PCDHGB2: variants seen among roughly 807,000 people sequenced by gnomAD.
PCDHGB2 encodes protocadherin gamma subfamily B, 2.
Under a neutral mutation model 59.3 loss-of-function variants are expected in PCDHGB2, and 55 were observed. That is an observed-to-expected ratio of 0.93 (90% CI 0.75 to 1.16). The LOEUF (loss-of-function observed/expected upper bound fraction) is 1.16. Ranked by LOEUF, PCDHGB2 falls within the 50% of genes most tolerant of loss-of-function variation. PCDHGB2 has a pLI of 0.00. For synonymous variants in PCDHGB2, 516 were observed against 512.0 expected, an observed-to-expected ratio of 1.01 and a Z score of -0.11; for missense variants, 1,228 against 1,198.5, an observed-to-expected ratio of 1.02 and a Z score of -0.36.
chr5:141,502,629 G>A (rs1368174848), intron 2 of PCDHGB2, among the ~76,000 whole-genome samples: 1 of 152,096 alleles, frequency 6.6e-6, no homozygotes, highest in Non-Finnish European at 1.5e-5. Context: ...GTAATCTGTG[G>A]ATGATACTTT....
intron 1 of PCDHGB2, chr5:141,375,571 C>A (rs760580799): frequency 2.5e-6 from 4 of 1,613,962 alleles, no homozygotes; most frequent in Non-Finnish European, 3.4e-6. Context: ...AAGACACCCT[C>A]CAGGGGGCGC....
At position 141,410,351 on chromosome 5, in the gene PCDHGB2, C is replaced by T. The variant is rs372351374; in HGVS notation, c.2421+47795C>T. ...TCTGGCCATTGCCTTGCGCCTGCGA[C>T]GCTCTCTCAGCCCTGCTACTTGGGA... On this transcript the variant is annotated intron_variant, in intron 1 of 3. Coordinates refer to ENST00000522605, the MANE Select transcript of PCDHGB2 (RefSeq NM_018923.3). The T allele has an allele frequency of 2.5e-6, 4 of 1,613,948 alleles. No homozygotes were observed. In the African/African-American group the frequency reaches 4.0e-5, roughly 16 times the overall value.
intron 1 of PCDHGB2, chr5:141,422,466 G>T: frequency 1.2e-6 from 2 of 1,613,528 alleles, no homozygotes; most frequent in Non-Finnish European, 1.7e-6. Flanking sequence ...TGCTGGACAG[G>T]GAGTTGGTCC....
intron 1 of PCDHGB2, among the ~76,000 whole-genome samples, chr5:141,481,730 G>C (rs778885944): frequency 6.6e-5 from 10 of 151,952 alleles, no homozygotes; most frequent in Non-Finnish European, 1.3e-4. Flanking sequence ...GAGGCGGGCG[G>C]ATCACGAGGT....
At chr5:141,407,963 G>T (rs2095010709) in intron 1 of PCDHGB2, 1 of 681,746 alleles carries the variant, frequency 1.5e-6, no homozygotes, top group Admixed American at 3.5e-5. Context: ...TGCAGAGCAA[G>T]CGCTGACGCC....
At chr5:141,463,581 T>TG (rs2099064477) in intron 1 of PCDHGB2, among the ~76,000 whole-genome samples, 1 of 151,502 alleles carries the variant, frequency 6.6e-6, no homozygotes, top group Non-Finnish European at 1.5e-5. Context: ...CCCGAGTAGC[T>TG]GGGACTACAG....
At chr5:141,402,103 A>C (rs565155809) in intron 1 of PCDHGB2, among the ~76,000 whole-genome samples, 3 of 152,336 alleles carry the variant, frequency 2.0e-5, no homozygotes, top group African/African-American at 4.8e-5. Flanking sequence ...TTAAGCAATT[A>C]CAAAAATGTG....
At position 141,431,026 on chromosome 5, in the gene PCDHGB2, G is replaced by A; in HGVS notation, c.2422-63781G>A. On this transcript the variant is annotated intron_variant, in intron 1 of 3. Coordinates refer to ENST00000522605, the MANE Select transcript of PCDHGB2 (RefSeq NM_018923.3). This position sits in a 1 kb window ranked among gnomAD's most constrained non-coding sequence, Gnocchi z 4.8. Reference sequence around the variant, plus strand: ...GCGGCAGCTTGGTCACGGCGGGCAGGATAGACCGGGAGGAGCTCTGTATGG... The same window carrying A: ...GCGGCAGCTTGGTCACGGCGGGCAGAATAGACCGGGAGGAGCTCTGTATGG... The A allele has an allele frequency of 1.2e-6, 2 of 1,614,118 alleles. No homozygotes were observed. The highest frequency in any genetic ancestry group is 1.7e-6 in the Non-Finnish European group (2 of 1,179,960).
At chr5:141,412,934 G>A (rs1232539262) in intron 1 of PCDHGB2, 1 of 453,932 alleles carries the variant, frequency 2.2e-6, no homozygotes, top group African/African-American at 2.0e-5. Context: ...TAACTTCTTA[G>A]GACTCTGAGC....
At chr5:141,393,710 G>A (rs143738602) in intron 1 of PCDHGB2, 4 of 1,613,794 alleles carry the variant, frequency 2.5e-6, no homozygotes, top group Non-Finnish European at 3.4e-6. Flanking sequence ...AAAATACTGG[G>A]GAAATATCAA....
chr5:141,486,029 C>G lies in PCDHGB2; in HGVS notation c.2422-8778C>G. Reference sequence around the variant, plus strand: ...CACCTTTTATTTCAGTGGTCATACCCCTGATCGTGTAAGAAACCTCTTTAG... The same window carrying G: ...CACCTTTTATTTCAGTGGTCATACCGCTGATCGTGTAAGAAACCTCTTTAG... On this transcript the variant is annotated intron_variant, in intron 1 of 3. Transcript: ENST00000522605. The surrounding 1 kb of genome is among the most constrained non-coding windows in gnomAD (Gnocchi z 5.0). 6.2e-7 allele frequency: 1 copy of G among 1,614,016 alleles called. No homozygotes were observed. Among genetic ancestry groups the G allele is most frequent in the Non-Finnish European group, 8.5e-7 (1 of 1,179,900 alleles).
rs2154594699 is a variant in PCDHGB2 at position 141,512,507 on chromosome 5, C to T, written c.*1334C>T. 6.5e-6 allele frequency: 1 copy of T among 153,048 alleles called. No individual in the cohort carries two copies. Among genetic ancestry groups the T allele is most frequent in the South Asian group, 2.1e-4 (1 of 4,836 alleles). 9.5% of individuals were successfully genotyped at this position (153,048 alleles called of 1,614,324 possible). ...CACTGCCCAGGTCCCCAGTGCGCCCCCTAGTGGCCATAGCCTGGTTAAAGT... is the reference window on the plus strand; with the variant it reads ...CACTGCCCAGGTCCCCAGTGCGCCCTCTAGTGGCCATAGCCTGGTTAAAGT... On this transcript the variant is annotated 3_prime_UTR_variant, in exon 4 of 4. Transcript: ENST00000522605.
chr5:141,494,048 G>C (rs764072099), intron 1 of PCDHGB2, among the ~76,000 whole-genome samples: 3 of 152,148 alleles, frequency 2.0e-5, no homozygotes, highest in Non-Finnish European at 2.9e-5. Flanking sequence ...GGCCCTGCTT[G>C]GAGGCTGTGG....
At position 141,371,103 on chromosome 5, in the gene PCDHGB2, G is replaced by T. The variant is rs1232346882; in HGVS notation, c.2421+8547G>T. The stretch of plus-strand genomic sequence containing the variant: ...CAGGGTAATTGTCGCAGATGCAAAT[G>T]ATAACCCCCCAGTATTTACTCAGGA... On this transcript the variant is annotated intron_variant, in intron 1 of 3. Transcript: ENST00000522605. 4 of 1,613,708 alleles carry T rather than the reference G, an allele frequency of 2.5e-6. No individual in the cohort carries two copies. The African/African-American group carries it at 5.3e-5, about 22-fold the overall frequency.
At chr5:141,404,759 T>G (rs1466446291) in intron 1 of PCDHGB2, 1 of 1,613,632 alleles carries the variant, frequency 6.2e-7, no homozygotes, top group Admixed American at 1.7e-5. Flanking sequence ...CCAGAATGCT[T>G]GGCTCTCCTA....
At chr5:141,449,837 T>A (rs917239289) in intron 1 of PCDHGB2, among the ~76,000 whole-genome samples, 3 of 151,742 alleles carry the variant, frequency 2.0e-5, no homozygotes, top group Non-Finnish European at 4.4e-5. Context: ...TTCTTTTATA[T>A]AATTAAATTT....
chr5:141,460,388 G>T (rs1425099375), intron 1 of PCDHGB2, among the ~76,000 whole-genome samples: 1 of 151,774 alleles, frequency 6.6e-6, no homozygotes, highest in East Asian at 1.9e-4. Context: ...TTATAATTTG[G>T]TCTATGAATC....
chr5:141,469,436 G>A (rs556417221), intron 1 of PCDHGB2, among the ~76,000 whole-genome samples: 11 of 152,118 alleles, frequency 7.2e-5, no homozygotes, highest in East Asian at 1.9e-4. Flanking sequence ...TTAGCTGGGC[G>A]TGGTGGTGCA....
intron 1 of PCDHGB2, chr5:141,372,058 G>A (rs769464516): frequency 6.2e-7 from 1 of 1,613,554 alleles, no homozygotes; most frequent in South Asian, 1.1e-5. Flanking sequence ...GTGGACGACC[G>A]CAACGACAAT....
Sources: gnomAD v4.1 joint callset for allele counts (sites outside exome capture counted in the v4.1 genomes callset) on GRCh38, gnomAD v4.1.1 for gene constraint, Gnocchi (gnomAD v3.1) non-coding constraint, MANE v1.5 for transcripts, NCBI Gene and HGNC (gene_info 2026-07-23, HGNC 2026-07-21) for gene names.